GGACT: variants seen among roughly 807,000 people sequenced by gnomAD.
The protein encoded by GGACT is gamma-glutamylamine cyclotransferase.
For missense variants in GGACT, 241 were observed against 233.2 expected, an observed-to-expected ratio of 1.03 and a Z score of -0.22; for synonymous variants, 118 against 115.3, an observed-to-expected ratio of 1.02 and a Z score of -0.15.
chr13:100,565,139 C>T (rs968786528), intron 2 of GGACT, among the ~76,000 whole-genome samples: 23 of 152,166 alleles, frequency 1.5e-4, no homozygotes, highest in African/African-American at 5.1e-4. Flanking sequence ...TAAGAATTCA[C>T]GGTTCGTCTT....
rs2088403072 is a variant in GGACT, at chr13:100,532,153, A to T, written c.439T>A (p.Tyr147Asn). ...CCTTATCTGTTCTCCCGGGGGTTGT[A>T]GCGCAGCCCGTGCGGCCCCTCGGAG... Reference protein sequence around the residue: ...YDSEGPHGLRYNPRENR With the variant: ...YDSEGPHGLRNNPRENR Residue 147 changes from tyrosine to asparagine, a missense_variant, in exon 3 of 3, where the codon TAC (tyrosine) becomes AAC (asparagine). By Grantham distance (143) the Tyr-to-Asn change is moderately radical (BLOSUM62 -2). Transcript: ENST00000683975. The T allele has an allele frequency of 6.9e-7, 1 of 1,454,802 alleles. No individual in the cohort carries two copies. The highest frequency in any genetic ancestry group is 1.4e-5 in the South Asian group (1 of 69,448). The allele number at this position is 1,454,802 out of a possible 1,614,324, so 90.1% of individuals were successfully genotyped here.
Position 100,530,296 on chromosome 13 carries a change from A to G in GGACT, c.*1834T>C, listed in dbSNP as rs2088311218. ...ACGTTTACGTCGTCATTTATTCCAC[A>G]GAGTCAAGACCAATATTCTGCCAAA... On this transcript the variant is annotated 3_prime_UTR_variant, in exon 3 of 3. Coordinates refer to ENST00000683975, the MANE Select transcript of GGACT (RefSeq NM_001195087.2). The G allele has an allele frequency of 5.1e-6, 4 of 781,810 alleles. 1 individual carries two copies. The highest frequency in any genetic ancestry group is 4.6e-4 in the Middle Eastern group (2 of 4,344). 48.4% of individuals were successfully genotyped at this position (781,810 alleles called of 1,614,324 possible). A position where few individuals can be genotyped will look rare whatever the true frequency, so the allele number is the denominator to read the frequency against.
At chr13:100,550,330 ACACACACACACACACACACACAC>A (rs2088648720) in intron 2 of GGACT, among the ~76,000 whole-genome samples, 1 of 133,520 alleles carries the variant, frequency 7.5e-6, no homozygotes, top group African/African-American at 2.7e-5. Context: ...ACACACACAC[ACACACACACACACACACACACAC>A]ACCACTGGCC....
At chr13:100,577,512 T>C (rs887814642) in intron 2 of GGACT, among the ~76,000 whole-genome samples, 12 of 151,984 alleles carry the variant, frequency 7.9e-5, no homozygotes, top group Admixed American at 3.3e-4. Flanking sequence ...TATTTTTTCA[T>C]TGTTGGACAG....
At position 100,534,174 on chromosome 13, in the gene GGACT, T is replaced by C. The variant is rs779069089; in HGVS notation, c.-10-1573A>G. On this transcript the variant is annotated intron_variant, in intron 2 of 2. Coordinates refer to ENST00000683975, the MANE Select transcript of GGACT (RefSeq NM_001195087.2). This position sits in a 1 kb window ranked among gnomAD's most constrained non-coding sequence, Gnocchi z 4.9. ...CATTTTGCTCAAGAGGCACGTCTGC[T>C]GCCTCTTGGTTCTATCACCAGCCTG... Among the ~76,000 whole-genome samples the C allele has an allele frequency of 1.3e-5, 2 of 152,212 alleles. No individual in the cohort carries two copies. Among genetic ancestry groups the C allele is most frequent in the Non-Finnish European group, 2.9e-5 (2 of 68,034 alleles).
intron 2 of GGACT, among the ~76,000 whole-genome samples, chr13:100,561,990 C>T (rs1676302232): frequency 6.6e-6 from 1 of 152,192 alleles, no homozygotes; most frequent in Non-Finnish European, 1.5e-5. Context: ...AGTCTGCATG[C>T]CCCGGAGGAG....
intron 2 of GGACT, among the ~76,000 whole-genome samples, chr13:100,560,962 T>C (rs975087657): frequency 1.3e-5 from 2 of 152,200 alleles, no homozygotes; most frequent in Non-Finnish European, 2.9e-5. Flanking sequence ...CTCCAGGGCC[T>C]GGGATAGTGG....
chr13:100,538,224 C>T (rs1260351223), intron 2 of GGACT: 1 of 152,228 alleles, frequency 6.6e-6, no homozygotes, highest in African/African-American at 2.4e-5. Flanking sequence ...CTCCAAAAGC[C>T]TCTCTGGCTC....
chr13:100,572,049 G>T (rs900370335), intron 2 of GGACT, among the ~76,000 whole-genome samples: 3 of 152,110 alleles, frequency 2.0e-5, no homozygotes, highest in Admixed American at 1.3e-4. Flanking sequence ...ACCTGTATAA[G>T]CCCTTCTCTG....
In GGACT at chr13:100,532,562, C is replaced by T; in HGVS notation, c.30G>A (p.Leu10=). 1 of 1,546,938 alleles carries T rather than the reference C, an allele frequency of 6.5e-7. No individual in the cohort carries two copies. Among genetic ancestry groups the T allele is most frequent in the Non-Finnish European group, 8.7e-7 (1 of 1,144,772 alleles). The stretch of plus-strand genomic sequence containing the variant: ...CCCTGTGGTTGGGCTGACCCCGCTT[C>T]AGGGTGCCGTACACGAAGACTAGGG... MALVFVYGT[L]KRGQPNHRVL... is the part of the protein sequence containing the mutation. Residue 10 remains leucine (L), a synonymous_variant, in exon 3 of 3, where the codon CTG becomes CTA. Transcript: ENST00000683975.
At chr13:100,536,155 C>T (rs929309947) in intron 2 of GGACT, 2 of 152,216 alleles carry the variant, frequency 1.3e-5, no homozygotes, top group Non-Finnish European at 1.5e-5. Flanking sequence ...TCCAGGTCCC[C>T]TGTGTGTGTG....
chr13:100,542,665 C>T (rs1250142337), intron 2 of GGACT, among the ~76,000 whole-genome samples: 9 of 152,168 alleles, frequency 5.9e-5, no homozygotes, highest in Non-Finnish European at 1.3e-4. Context: ...CTCTGGAAAT[C>T]CAAGAGGCCA....
At chr13:100,552,760 G>T (rs1175540017) in intron 2 of GGACT, among the ~76,000 whole-genome samples, 2 of 152,138 alleles carry the variant, frequency 1.3e-5, no homozygotes, top group Admixed American at 6.6e-5. Context: ...CATCTAGGAC[G>T]GGCCAGGCAT....
intron 2 of GGACT, among the ~76,000 whole-genome samples, chr13:100,569,898 G>A (rs2225926): frequency 0.55 from 83,112 of 151,982 alleles, 22,994 homozygotes; most frequent in South Asian, 0.73. Context: ...TTGATAAAGC[G>A]TAACAAGAGT....
chr13:100,577,192 G>A (rs1875272096), intron 2 of GGACT, among the ~76,000 whole-genome samples: 1 of 152,104 alleles, frequency 6.6e-6, no homozygotes, highest in African/African-American at 2.4e-5. Flanking sequence ...GAGGACGGCG[G>A]ATCATCTGAG....
chr13:100,560,767 A>T (rs1226587217), intron 2 of GGACT, among the ~76,000 whole-genome samples: 1 of 151,756 alleles, frequency 6.6e-6, no homozygotes, highest in East Asian at 1.9e-4. Context: ...TGTTTTTCTG[A>T]CTCTTGGCCA....
rs369036128 is a variant in GGACT at position 100,532,251 on chromosome 13, A to G, written c.341T>C (p.Val114Ala). Reference sequence around the variant, plus strand: ...GGCCCTGCTGTACACGAAGCACTGCACCGCGGTGGGCGCTGGCGGCTCCTC... The same window carrying G: ...GGCCCTGCTGTACACGAAGCACTGCGCCGCGGTGGGCGCTGGCGGCTCCTC... Reference protein sequence around the residue: ...GAEEPPAPTAVQCFVYSRATF... With the variant: ...GAEEPPAPTAAQCFVYSRATF... The change falls in exon 3 of 3, where the codon GTG becomes GCG. Residue 114 changes from valine (V) to alanine (A), a missense_variant. Val to Ala is a moderately conservative substitution (Grantham distance 64). Coordinates refer to ENST00000683975, the MANE Select transcript of GGACT (RefSeq NM_001195087.2). 5.3e-6 allele frequency: 8 copies of G among 1,520,690 alleles called. No individual in the cohort carries two copies. The African/African-American group carries it at 6.9e-5, about 13-fold the overall frequency. 94.2% of individuals were successfully genotyped at this position (1,520,690 alleles called of 1,614,324 possible).
intron 2 of GGACT, among the ~76,000 whole-genome samples, chr13:100,553,256 C>T (rs182868044): frequency 7.9e-4 from 120 of 152,072 alleles, no homozygotes; most frequent in South Asian, 4.3e-3. Flanking sequence ...GCCTGTGTGT[C>T]CCCAAGGACC....
intron 2 of GGACT, among the ~76,000 whole-genome samples, chr13:100,577,026 C>CA (rs1309338945): frequency 1.3e-5 from 2 of 152,076 alleles, no homozygotes; most frequent in Admixed American, 6.5e-5. Context: ...GCCTGGCATA[C>CA]AAAATTATTT....
Sources: allele counts gnomAD v4.1 joint callset (sites outside exome capture counted in the v4.1 genomes callset), GRCh38; gene constraint gnomAD v4.1.1; non-coding constraint Gnocchi (gnomAD v3.1); transcripts MANE v1.5; gene names NCBI Gene and HGNC (gene_info 2026-07-23, HGNC 2026-07-21).